TTC28: variants seen among roughly 807,000 people sequenced by gnomAD.
TTC28 encodes tetratricopeptide repeat domain 28, also known as tetratricopeptide repeat protein 28.
In TTC28, 61 loss-of-function variants were observed where a neutral mutation model predicts 198.0. The ratio of observed to expected loss-of-function variants is 0.31; its 90% CI spans 0.25 to 0.38. The LOEUF (loss-of-function observed/expected upper bound fraction) is 0.38. Ranked by LOEUF, TTC28 falls within the 10% of genes least tolerant of loss-of-function variation. TTC28 has a pLI of 1.00. For missense variants in TTC28, 2,678 were observed against 3,164.0 expected (o/e 0.85, Z 3.69); for synonymous variants, 1,171 against 1,297.8 (o/e 0.90, Z 2.10).
chr22:28,461,315 A>C lies in TTC28; in HGVS notation c.382-154672T>G, dbSNP rs1226411172. Among the ~76,000 whole-genome samples the C allele has an allele frequency of 5.3e-5, 8 of 152,342 alleles. No individual in the cohort carries two copies. The East Asian group carries it at 1.5e-3, about 29-fold the overall frequency. ...ATACCTAATAAGTGACAGAAATGCCATTATACCTCTCAGTCTAGCTCTCTC... is the reference window on the plus strand; with the variant it reads ...ATACCTAATAAGTGACAGAAATGCCCTTATACCTCTCAGTCTAGCTCTCTC... On this transcript the variant is annotated intron_variant, in intron 2 of 22. Coordinates refer to ENST00000397906, the MANE Select transcript of TTC28 (RefSeq NM_001145418.2).
intron 2 of TTC28, among the ~76,000 whole-genome samples, chr22:28,579,504 T>C (rs1241572382): frequency 6.7e-6 from 1 of 148,912 alleles, no homozygotes; most frequent in Non-Finnish European, 1.5e-5. Flanking sequence ...TATAGTTATA[T>C]ATAGTTATAT....
chr22:28,505,584 C>A (rs933574780), intron 2 of TTC28, among the ~76,000 whole-genome samples: 3 of 152,148 alleles, frequency 2.0e-5, no homozygotes, highest in African/African-American at 7.2e-5. Flanking sequence ...CAGGAGATTG[C>A]CTCAGGAGCT....
intron 1 of TTC28, among the ~76,000 whole-genome samples, chr22:28,632,786 A>G: frequency 1.3e-5 from 2 of 151,308 alleles, no homozygotes; most frequent in Non-Finnish European, 2.9e-5. Flanking sequence ...AAAAAAGGAG[A>G]AGAAGAAGAA....
chr22:28,660,892 A>C lies in TTC28; in HGVS notation c.102+18730T>G, dbSNP rs199622579. ...AGAATGGTCTCGAACTCCTGACCTC[A>C]TGATCTGAGAAAAGGAAAAAAAAAA... is the stretch of plus-strand genomic sequence containing the variant. On this transcript the variant is annotated intron_variant, in intron 1 of 22. Coordinates refer to ENST00000397906, the MANE Select transcript of TTC28 (RefSeq NM_001145418.2). Among the ~76,000 whole-genome samples the C allele has an allele frequency of 2.6e-5, 4 of 151,954 alleles. No individual in the cohort carries two copies. The East Asian group carries it at 7.7e-4, about 29-fold the overall frequency.
Position 27,998,797 on chromosome 22 carries a change from A to G in TTC28, c.4862T>C (p.Val1621Ala), listed in dbSNP as rs1398374745. 1 of 1,550,618 alleles carries G rather than the reference A, an allele frequency of 6.4e-7. No homozygotes were observed. Among genetic ancestry groups the G allele is most frequent in the African/African-American group, 1.4e-5 (1 of 73,180 alleles). The stretch of plus-strand genomic sequence containing the variant: ...GGACTCCTGGGAGGAGCCAAGCACC[A>G]CCAGCTTCACAGGCAGCTGCAGGTC... ...VLDLQLPVKL[V>A]VLGSSQESNS... Residue 1621 changes from valine to alanine, a missense_variant, in exon 16 of 23, where the codon GTG becomes GCG. Coordinates refer to ENST00000397906, the MANE Select transcript of TTC28 (RefSeq NM_001145418.2).
chr22:28,553,560 G>T (rs566645021), intron 2 of TTC28, among the ~76,000 whole-genome samples: 9 of 150,316 alleles, frequency 6.0e-5, no homozygotes, highest in South Asian at 2.1e-4. Flanking sequence ...CAGCCACCCC[G>T]TCTGAGAAGT....
intron 10 of TTC28, among the ~76,000 whole-genome samples, chr22:28,097,846 T>C (rs1942021840): frequency 6.6e-6 from 1 of 152,230 alleles, no homozygotes. Context: ...GAACAATTTC[T>C]GTGCACACGG....
At chr22:28,035,075 G>C (rs1265279942) in intron 12 of TTC28, among the ~76,000 whole-genome samples, 2 of 152,150 alleles carry the variant, frequency 1.3e-5, no homozygotes, top group Non-Finnish European at 2.9e-5. Context: ...ATCTCTCCAA[G>C]AACACGCTTG....
At chr22:28,578,833 T>C (rs2050188930) in intron 2 of TTC28, among the ~76,000 whole-genome samples, 1 of 152,072 alleles carries the variant, frequency 6.6e-6, no homozygotes, top group Non-Finnish European at 1.5e-5. Context: ...ACTCAGCCAG[T>C]GTCCATGGAA....
intron 6 of TTC28, among the ~76,000 whole-genome samples, chr22:28,128,519 A>C (rs1422284971): frequency 6.6e-6 from 1 of 152,040 alleles, no homozygotes. Context: ...AGCAGGATAG[A>C]ACTTTGGTAT....
chr22:28,125,970 A>G (rs1942904268), intron 6 of TTC28, among the ~76,000 whole-genome samples: 1 of 152,158 alleles, frequency 6.6e-6, no homozygotes, highest in Non-Finnish European at 1.5e-5. Flanking sequence ...CAATCCTTAG[A>G]GGATCTGGAA....
At chr22:28,169,536 T>A (rs529421210) in intron 5 of TTC28, among the ~76,000 whole-genome samples, 45 of 152,258 alleles carry the variant, frequency 3.0e-4, no homozygotes, top group Non-Finnish European at 5.3e-4. Context: ...TGGATGAAGC[T>A]GGAAACCAGC....
intron 6 of TTC28, among the ~76,000 whole-genome samples, chr22:28,155,505 T>C (rs2147031493): frequency 6.6e-6 from 1 of 152,324 alleles, no homozygotes; most frequent in African/African-American, 2.4e-5. Context: ...AAGAAGAGAA[T>C]TTTAAAAGTG....
intron 1 of TTC28, among the ~76,000 whole-genome samples, chr22:28,630,444 C>T (rs143176571): frequency 6.6e-6 from 1 of 152,104 alleles, no homozygotes; most frequent in Admixed American, 6.6e-5. Context: ...AGCAGAGGCA[C>T]ATGCCACGGC....
At chr22:28,123,083 G>C (rs1324596883) in intron 6 of TTC28, among the ~76,000 whole-genome samples, 2 of 152,190 alleles carry the variant, frequency 1.3e-5, no homozygotes, top group Non-Finnish European at 2.9e-5. Flanking sequence ...AACTTCTCTT[G>C]GCAGCAAAAG....
intron 6 of TTC28, among the ~76,000 whole-genome samples, chr22:28,122,274 C>T (rs1044842675): frequency 8.5e-5 from 13 of 152,166 alleles, no homozygotes; most frequent in South Asian, 2.1e-4. Flanking sequence ...GCTTAAGAGG[C>T]GAGAATATAA....
chr22:28,248,548 T>C (rs996687945), intron 5 of TTC28, among the ~76,000 whole-genome samples: 2 of 152,074 alleles, frequency 1.3e-5, no homozygotes, highest in African/African-American at 4.8e-5. Flanking sequence ...TTTTTTCCAG[T>C]TCAATAGTTA....
intron 6 of TTC28, among the ~76,000 whole-genome samples, chr22:28,117,822 A>G (rs1411233317): frequency 6.6e-6 from 1 of 152,222 alleles, no homozygotes; most frequent in African/African-American, 2.4e-5. Flanking sequence ...GATAATAACA[A>G]TTGTGAAAAA....
intron 1 of TTC28, among the ~76,000 whole-genome samples, chr22:28,642,140 A>C (rs980884900): frequency 2.0e-5 from 3 of 152,056 alleles, no homozygotes; most frequent in African/African-American, 7.2e-5. Context: ...TGCATGTTGT[A>C]ATCACTAAGG....
Sources: gnomAD v4.1 joint callset for allele counts (sites outside exome capture counted in the v4.1 genomes callset) on GRCh38, gnomAD v4.1.1 for gene constraint, MANE v1.5 for transcripts, NCBI Gene and HGNC (gene_info 2026-07-23, HGNC 2026-07-21) for gene names.